SETX: variants seen among roughly 807,000 people sequenced by gnomAD.
SETX encodes senataxin, also known as helicase senataxin.
In SETX, 90 loss-of-function variants were observed where a neutral mutation model predicts 227.2. That is an observed-to-expected ratio of 0.40 (90% CI 0.33 to 0.47). SETX has a LOEUF of 0.47. Ranked by LOEUF, SETX falls within the 20% of genes least tolerant of loss-of-function variation. The pLI is 0.91. For synonymous variants in SETX, 1,210 were observed against 1,113.2 expected, an observed-to-expected ratio of 1.09 and a Z score of -1.73; for missense variants, 3,052 against 3,181.5, an observed-to-expected ratio of 0.96 and a Z score of 0.98.
At chr9:132,270,299 A>G (rs77456271) in intron 24 of SETX, among the ~76,000 whole-genome samples, 63 of 116,532 alleles carry the variant, frequency 5.4e-4, no homozygotes, top group South Asian at 8.9e-4. Context: ...AGACACAGGT[A>G]GACTCTAGAA....
At chr9:132,273,931 G>C (rs943178747) in intron 23 of SETX, among the ~76,000 whole-genome samples, 3 of 149,980 alleles carry the variant, frequency 2.0e-5, no homozygotes, top group African/African-American at 7.3e-5. Flanking sequence ...TGAGTTTTTT[G>C]TAAATGCCTT....
chr9:132,278,757 G>A (rs548183127), intron 20 of SETX, among the ~76,000 whole-genome samples: 1 of 152,236 alleles, frequency 6.6e-6, no homozygotes, highest in East Asian at 1.9e-4. Flanking sequence ...CAGTAATAAA[G>A]GAAATGTAAC....
chr9:132,284,099 G>C (rs1279846782), intron 18 of SETX, among the ~76,000 whole-genome samples: 11 of 152,166 alleles, frequency 7.2e-5, no homozygotes, highest in Non-Finnish European at 1.5e-5. Context: ...TTCAACCATG[G>C]AATTCAAGGC....
intron 25 of SETX, among the ~76,000 whole-genome samples, chr9:132,268,222 T>C (rs182415324): frequency 3.3e-5 from 5 of 152,286 alleles, no homozygotes; most frequent in Admixed American, 6.5e-5. Context: ...TACTGAGAGG[T>C]TGCATGCACC....
intron 14 of SETX, 138 bp from the exon 15 acceptor site, chr9:132,296,166 T>C: frequency 9.2e-7 from 1 of 1,084,424 alleles, no homozygotes; most frequent in South Asian, 1.4e-5. Context: ...AATAAAAGCA[T>C]CTACATCTAA....
At chr9:132,333,998 T>C (rs1346737732) in intron 7 of SETX, among the ~76,000 whole-genome samples, 1 of 151,588 alleles carries the variant, frequency 6.6e-6, no homozygotes, top group African/African-American at 2.4e-5. Context: ...AGGGAGGCCA[T>C]GGGACAGAGA....
At chr9:132,343,046 G>GC (rs1848078955) in intron 4 of SETX, among the ~76,000 whole-genome samples, 1 of 151,786 alleles carries the variant, frequency 6.6e-6, no homozygotes, top group South Asian at 2.1e-4. Flanking sequence ...TTTGCCGGGC[G>GC]CGGTGGCTCA....
At chr9:132,313,174 ATAAATT>A (rs1845767634) in intron 10 of SETX, among the ~76,000 whole-genome samples, 1 of 152,220 alleles carries the variant, frequency 6.6e-6, no homozygotes, top group South Asian at 2.1e-4. Flanking sequence ...CTATACAACT[ATAAATT>A]TACTTAAAAA....
At chr9:132,330,646 G>T in intron 9 of SETX, 147 bp from the exon 10 acceptor site, 1 of 682,724 alleles carries the variant, frequency 1.5e-6, no homozygotes, top group Non-Finnish European at 2.5e-6. Context: ...TATAATTGTG[G>T]CATATAATTA....
intron 13 of SETX, among the ~76,000 whole-genome samples, chr9:132,297,752 C>A (rs1437491613): frequency 1.3e-5 from 2 of 152,178 alleles, no homozygotes; most frequent in Non-Finnish European, 2.9e-5. Flanking sequence ...TCCAACAATA[C>A]CGGCCAATTC....
At chr9:132,279,018 G>A (rs1275421260) in intron 20 of SETX, among the ~76,000 whole-genome samples, 1 of 152,226 alleles carries the variant, frequency 6.6e-6, no homozygotes, top group Admixed American at 6.5e-5. Context: ...ATACTCCAAT[G>A]AGCATATCCT....
intron 1 of SETX, among the ~76,000 whole-genome samples, chr9:132,354,499 A>G (rs1848786700): frequency 6.7e-6 from 1 of 150,246 alleles, no homozygotes; most frequent in East Asian, 1.9e-4. Context: ...CCGTCTCAAA[A>G]AAAAAAAAAA....
chr9:132,298,324 A>G lies in SETX; in HGVS notation c.5549-12T>C, dbSNP rs371392807. On this transcript the variant is annotated splice_polypyrimidine_tract_variant and intron_variant, in intron 12 of 25. Transcript: ENST00000224140. ...TTTCCCATTACGCACTATCATCAAG[A>G]AAGAGAAAAAGCAACTTCAGTTATC... 1.4e-5 allele frequency: 22 copies of G among 1,605,296 alleles called. No individual in the cohort carries two copies. Among genetic ancestry groups the G allele is most frequent in the Non-Finnish European group, 1.9e-5 (22 of 1,172,636 alleles).
At chr9:132,321,022 G>C (rs1846291233) in intron 10 of SETX, among the ~76,000 whole-genome samples, 2 of 151,878 alleles carry the variant, frequency 1.3e-5, no homozygotes, top group African/African-American at 2.4e-5. Flanking sequence ...AGGATAAGCA[G>C]TCTCTGACCT....
rs1338191727 is a variant in SETX, at chr9:132,261,659, A to G, written c.*2580T>C. ...GCACAACTTTAAAAAATAGTTCAGTACATTTTTGTTATAAAATTCATTTAC... is the reference window on the plus strand; with the variant it reads ...GCACAACTTTAAAAAATAGTTCAGTGCATTTTTGTTATAAAATTCATTTAC... On this transcript the variant is annotated 3_prime_UTR_variant, in exon 26 of 26. Coordinates refer to ENST00000224140, the MANE Select transcript of SETX (RefSeq NM_015046.7). The G allele has an allele frequency of 6.5e-6, 1 of 152,902 alleles. No individual in the cohort carries two copies. The highest frequency in any genetic ancestry group is 1.5e-5 in the Non-Finnish European group (1 of 68,204). 9.5% of individuals were successfully genotyped at this position (152,902 alleles called of 1,614,324 possible). A position where few individuals can be genotyped will look rare whatever the true frequency, so the allele number is the denominator to read the frequency against.
chr9:132,328,638 A>G lies in SETX; in HGVS notation c.2960T>C (p.Leu987Pro). The change falls in exon 10 of 26, where the codon CTG (leucine) becomes CCG (proline). Residue 987 changes from leucine (L) to proline (P), a missense_variant. This residue lies in a region of SETX where 1,483 missense variants were observed against 1,312.0 expected (regional missense o/e 1.13). Transcript: ENST00000224140. ...PSDSPQNSSQ[L>P]QRKVKEDKRC... ...TTTATCTTCTTTTACTTTCCTTTGC[A>G]GCTGCGATGAGTTCTGAGGTGAATC... The G allele has an allele frequency of 6.2e-7, 1 of 1,613,296 alleles. No homozygotes were observed. Among genetic ancestry groups the G allele is most frequent in the Non-Finnish European group, 8.5e-7 (1 of 1,179,650 alleles).
intron 11 of SETX, among the ~76,000 whole-genome samples, chr9:132,309,905 G>C (rs1845554866): frequency 6.6e-6 from 1 of 152,020 alleles, no homozygotes; most frequent in Non-Finnish European, 1.5e-5. Context: ...TTTAAGAAAC[G>C]GGACACAGAG....
intron 5 of SETX, among the ~76,000 whole-genome samples, chr9:132,340,604 C>T (rs1017083661): frequency 6.6e-6 from 1 of 152,198 alleles, no homozygotes; most frequent in Non-Finnish European, 1.5e-5. Flanking sequence ...CCTTTACTCC[C>T]GGGCAGAAGC....
chr9:132,276,297 T>C lies in SETX; in HGVS notation c.6935+763A>G, dbSNP rs971417805. On this transcript the variant is annotated intron_variant, in intron 22 of 25. Transcript: ENST00000224140. ...TCCTCCAAGAGGCCTCATTAAAACC[T>C]TTAGGCTGCAGTCCCTCCAGCACTA... Among the ~76,000 whole-genome samples the C allele has an allele frequency of 2.0e-5, 3 of 152,186 alleles. No individual in the cohort carries two copies. The East Asian group carries it at 5.8e-4, about 29-fold the overall frequency.
Sources: gnomAD v4.1 joint callset for allele counts (sites outside exome capture counted in the v4.1 genomes callset) on GRCh38, gnomAD v4.1.1 for gene constraint, gnomAD v4.1.1 regional missense constraint, MANE v1.5 for transcripts, NCBI Gene and HGNC (gene_info 2026-07-23, HGNC 2026-07-21) for gene names.